The following CENPO variants were observed in gnomAD, a reference collection of about 807,000 sequenced individuals.
The protein encoded by CENPO is centromeric protein O.
CENPO carries 30 observed loss-of-function variants against 36.1 expected under a neutral mutation model. That is an observed-to-expected ratio of 0.83 (90% CI 0.62 to 1.13). The LOEUF (loss-of-function observed/expected upper bound fraction) is 1.13, where lower values mean the gene tolerates loss of function less well. CENPO is among the 50% of genes most tolerant of loss of function. The pLI is 0.00. For missense variants in CENPO, 349 were observed against 357.8 expected (o/e 0.98, Z 0.20); for synonymous variants, 171 against 142.3 (o/e 1.20, Z -1.44).
chr2:24,803,307 G>GT (rs1381765627), intron 3 of CENPO, among the ~76,000 whole-genome samples: 4 of 151,708 alleles, frequency 2.6e-5, no homozygotes, highest in Admixed American at 6.6e-5. Context: ...TTTTTGAAGG[G>GT]TTTTTTGTGT....
At chr2:24,794,239 G>A (rs1665777565) in intron 2 of CENPO, among the ~76,000 whole-genome samples, 1 of 152,208 alleles carries the variant, frequency 6.6e-6, no homozygotes, top group African/African-American at 2.4e-5. Flanking sequence ...TAGCCAGGGA[G>A]GTCCCTTTCC....
rs763466641 is a variant in CENPO at position 24,793,478 on chromosome 2, C to T, written c.-92C>T. The T allele has an allele frequency of 1.9e-5, 30 of 1,602,098 alleles. No homozygotes were observed. Among genetic ancestry groups the T allele is most frequent in the Non-Finnish European group, 2.4e-5 (28 of 1,173,988 alleles). On this transcript the variant is annotated 5_prime_UTR_variant, in exon 1 of 8. Coordinates refer to ENST00000380834, the MANE Select transcript of CENPO (RefSeq NM_001322101.2). ...GGTTTGGTTTTGAAGACGTGGATGG[C>T]GGGAATTCTCGCTTCTGGCCTGGGT...
intron 3 of CENPO, among the ~76,000 whole-genome samples, chr2:24,809,647 ATCT>A (rs1330171783): frequency 6.6e-6 from 1 of 150,546 alleles, no homozygotes; most frequent in Non-Finnish European, 1.5e-5. Flanking sequence ...CCATTGTGTT[ATCT>A]TCTTTGGCCC....
intron 4 of CENPO, 114 bp from the exon 5 acceptor site, chr2:24,815,383 C>A: frequency 1.3e-6 from 1 of 788,934 alleles, no homozygotes; most frequent in Non-Finnish European, 2.2e-6. Context: ...ATTGAACAAA[C>A]ATTTGTGTAC....
chr2:24,800,473 C>A (rs1240916695), intron 3 of CENPO, among the ~76,000 whole-genome samples: 1 of 114,002 alleles, frequency 8.8e-6, no homozygotes, highest in Non-Finnish European at 1.7e-5. Flanking sequence ...CTATCCCTCC[C>A]CCCTCCCCCC....
At chr2:24,809,438 T>G (rs1275379590) in intron 3 of CENPO, among the ~76,000 whole-genome samples, 9 of 152,178 alleles carry the variant, frequency 5.9e-5, no homozygotes, top group African/African-American at 9.6e-5. Flanking sequence ...TTTTTTAGTC[T>G]TCTTTTCTCT....
chr2:24,815,261 T>A (rs990114519), intron 4 of CENPO, among the ~76,000 whole-genome samples: 1 of 151,268 alleles, frequency 6.6e-6, no homozygotes, highest in African/African-American at 2.4e-5. Context: ...AAAAAATTTC[T>A]CAATAGTTTG....
At chr2:24,809,165 A>G (rs551899201) in intron 3 of CENPO, among the ~76,000 whole-genome samples, 16 of 152,288 alleles carry the variant, frequency 1.1e-4, no homozygotes, top group Middle Eastern at 3.4e-3. Context: ...TGTGACTAGG[A>G]TGGATCAGTG....
chr2:24,820,184 T>TG lies in CENPO; in HGVS notation c.*869dup. The TG allele has an allele frequency of 9.6e-7, 1 of 1,037,174 alleles. No individual in the cohort carries two copies. 64.2% of individuals were successfully genotyped at this position (1,037,174 alleles called of 1,614,324 possible). On this transcript the variant is annotated 3_prime_UTR_variant, in exon 8 of 8. Transcript: ENST00000380834. ...CTAGACTGAGGGCGGGTGGGGGCTTTGGGTGGTTGGAGCCGAGCACTGATC... is the reference window on the plus strand; with the variant it reads ...CTAGACTGAGGGCGGGTGGGGGCTTTGGGGTGGTTGGAGCCGAGCACTGATC...
At chr2:24,818,314 A>G (rs1272384033) in intron 7 of CENPO, among the ~76,000 whole-genome samples, 1 of 152,234 alleles carries the variant, frequency 6.6e-6, no homozygotes, top group Non-Finnish European at 1.5e-5. Flanking sequence ...GTTGAGAAAC[A>G]CTGATCTAAA....
intron 3 of CENPO, among the ~76,000 whole-genome samples, chr2:24,809,252 T>C (rs1666569523): frequency 6.6e-6 from 1 of 152,256 alleles, no homozygotes; most frequent in African/African-American, 2.4e-5. Context: ...CGATCAGTCT[T>C]GGTGTGTTTT....
In CENPO at chr2:24,814,450, A is replaced by G; in HGVS notation, c.291A>G (p.Lys97=). Residue 97 remains lysine, a synonymous_variant, in exon 4 of 8, where the codon AAA becomes AAG. Coordinates refer to ENST00000380834, the MANE Select transcript of CENPO (RefSeq NM_001322101.2). ...EINEQEALEE[K]LENVKAILQA... is the part of the protein sequence containing the mutation. The stretch of plus-strand genomic sequence containing the variant: ...ATGAGCAAGAAGCATTGGAAGAGAA[A>G]TTGGAAAATGTGAAAGCCATTCTGC... 1 of 1,606,284 alleles carries G rather than the reference A, an allele frequency of 6.2e-7. No homozygotes were observed. Among genetic ancestry groups the G allele is most frequent in the Non-Finnish European group, 8.5e-7 (1 of 1,172,782 alleles).
intron 2 of CENPO, among the ~76,000 whole-genome samples, chr2:24,796,218 G>A (rs751571018): frequency 3.3e-5 from 5 of 152,090 alleles, no homozygotes; most frequent in Non-Finnish European, 5.9e-5. Context: ...GCCGGGCATC[G>A]TGGTGCATGC....
chr2:24,822,174 G>A lies in CENPO; in HGVS notation c.*2856G>A, dbSNP rs992821754. ...TAGCTTAACAAAAGAACAGGCTGCC[G>A]TCAGCCAGAGTTCTGAAGGCCATGC... On this transcript the variant is annotated 3_prime_UTR_variant, in exon 8 of 8. Coordinates refer to ENST00000380834, the MANE Select transcript of CENPO (RefSeq NM_001322101.2). 6.4e-5 allele frequency: 14 copies of A among 217,992 alleles called. No individual in the cohort carries two copies. The highest frequency in any genetic ancestry group is 2.1e-4 in the East Asian group (2 of 9,366). 13.5% of individuals were successfully genotyped at this position (217,992 alleles called of 1,614,324 possible).
In CENPO at chr2:24,801,203, G is replaced by A. The variant is rs200785539; in HGVS notation, c.216+1359G>A. Among the ~76,000 whole-genome samples the A allele has an allele frequency of 2.4e-4, 37 of 152,254 alleles. 3 individuals are homozygous for A. In the East Asian group the frequency reaches 7.1e-3, roughly 29 times the overall value. Reference sequence around the variant, plus strand: ...GTTTTTTTCTTGTACATTTGTTTGAGTTCATTGTAGATTCTGGATATTAGC... The same window carrying A: ...GTTTTTTTCTTGTACATTTGTTTGAATTCATTGTAGATTCTGGATATTAGC... On this transcript the variant is annotated intron_variant, in intron 3 of 7. Transcript: ENST00000380834.
chr2:24,814,519 T>G (rs772207102), intron 4 of CENPO, 26 bp downstream of exon 4: 1 of 1,076,922 alleles, frequency 9.3e-7, no homozygotes, highest in East Asian at 2.3e-5. Context: ...TTAACCTAAT[T>G]TAGTCTGGGT....
chr2:24,797,722 A>T (rs1047419178), intron 2 of CENPO, among the ~76,000 whole-genome samples: 2 of 152,234 alleles, frequency 1.3e-5, no homozygotes, highest in Admixed American at 6.5e-5. Flanking sequence ...ACAGGCCGCT[A>T]TGCTAAGATT....
rs1666939007 is a variant in CENPO, at chr2:24,816,392, G to C, written c.595-254G>C. ...GCCGTGTAACGTCAGTGAAGTTTCT[G>C]CAGAAACAGTCTCTTGCGAAGCTGT... On this transcript the variant is annotated intron_variant, in intron 5 of 7. Transcript: ENST00000380834. 5 of 402,458 alleles carry C rather than the reference G, an allele frequency of 1.2e-5. No individual in the cohort carries two copies. In the Admixed American group the frequency reaches 2.1e-4, roughly 17 times the overall value. The allele number at this position is 402,458 out of a possible 1,614,324, so 24.9% of individuals were successfully genotyped here.
chr2:24,815,564 A>T lies in CENPO; in HGVS notation c.402A>T (p.Leu134=). ...TCAGTACTGCTTTTGAGGGGAACCT[A>T]TTGGATTCCTATTTTGTGGACCTTG... The part of the protein sequence containing the change: ...VCISTAFEGN[L]LDSYFVDLVI... Residue 134 remains leucine (L), a synonymous_variant, in exon 5 of 8, where the codon CTA becomes CTT. Transcript: ENST00000380834. 6.2e-7 allele frequency: 1 copy of T among 1,613,868 alleles called. No individual in the cohort carries two copies. The highest frequency in any genetic ancestry group is 8.5e-7 in the Non-Finnish European group (1 of 1,179,750).
Sources: allele counts gnomAD v4.1 joint callset (sites outside exome capture counted in the v4.1 genomes callset), GRCh38; gene constraint gnomAD v4.1.1; transcripts MANE v1.5; gene names NCBI Gene and HGNC (gene_info 2026-07-23, HGNC 2026-07-21).